The following NAPA variants were observed in gnomAD, a reference collection of about 807,000 sequenced individuals.
NAPA encodes alpha-soluble NSF attachment protein.
NAPA carries 18 observed loss-of-function variants against 48.0 expected under a neutral mutation model. The ratio of observed to expected loss-of-function variants is 0.38; its 90% CI spans 0.26 to 0.56. The LOEUF is 0.56. Ranked by LOEUF, NAPA falls within the 20% of genes least tolerant of loss-of-function variation. The probability of loss-of-function intolerance (pLI) is 0.77; values close to 1 mark genes in which losing one functional copy is unlikely to be tolerated. For synonymous variants in NAPA, 152 were observed against 149.9 expected (o/e 1.01, Z -0.10); for missense variants, 315 against 385.0 (o/e 0.82, Z 1.52).
At chr19:47,505,987 G>A (rs1259683122) in intron 1 of NAPA, among the ~76,000 whole-genome samples, 1 of 149,126 alleles carries the variant, frequency 6.7e-6, no homozygotes, top group Non-Finnish European at 1.5e-5. Context: ...CTTGTTTGGA[G>A]TGACTTCTTT....
intron 3 of NAPA, chr19:47,496,904 T>G (rs185313753): frequency 2.2e-6 from 1 of 453,894 alleles, no homozygotes; most frequent in Non-Finnish European, 4.4e-6. Flanking sequence ...CCTCTGGGGA[T>G]CTAAAAGGGA....
Position 47,488,027 on chromosome 19 carries a change from T to C in NAPA, c.*261A>G. ...GTCTGTATCAAAGATTCTGTACAGC[T>C]GGTTTTGGGGGTGAAGGGCACCTAT... On this transcript the variant is annotated 3_prime_UTR_variant, in exon 11 of 11. Coordinates refer to ENST00000263354, the MANE Select transcript of NAPA (RefSeq NM_003827.4). The C allele has an allele frequency of 2.6e-6, 1 of 382,120 alleles. No homozygotes were observed. 23.7% of individuals were successfully genotyped at this position (382,120 alleles called of 1,614,324 possible).
chr19:47,514,760 C>T (rs1003492355), intron 1 of NAPA, 83 bp downstream of exon 1: 14 of 1,346,274 alleles, frequency 1.0e-5, no homozygotes, highest in Admixed American at 7.8e-5. Context: ...CCGAGCTCTG[C>T]GTGCCCTAAC....
intron 1 of NAPA, 90 bp downstream of exon 1, chr19:47,514,753 A>G (rs1215652138): frequency 1.6e-6 from 2 of 1,268,460 alleles, no homozygotes; most frequent in Non-Finnish European, 2.2e-6. Context: ...CCTCGGCCCG[A>G]GCTCTGCGTG....
Position 47,488,129 on chromosome 19 carries a change from C to T in NAPA, c.*159G>A. 1.6e-6 allele frequency: 1 copy of T among 621,190 alleles called. No homozygotes were observed. The highest frequency in any genetic ancestry group is 2.8e-5 in the Admixed American group (1 of 35,906). The allele number at this position is 621,190 out of a possible 1,614,324, so 38.5% of individuals were successfully genotyped here. On this transcript the variant is annotated 3_prime_UTR_variant, in exon 11 of 11. Coordinates refer to ENST00000263354, the MANE Select transcript of NAPA (RefSeq NM_003827.4). ...TGACTGTCCGGCCAGCAGCCTGGGC[C>T]TCTGGCGCCCCTGCATGCTGACCCC... is the stretch of plus-strand genomic sequence containing the variant.
At chr19:47,503,330 G>T in intron 2 of NAPA, 93 bp downstream of exon 2, 2 of 1,126,768 alleles carry the variant, frequency 1.8e-6, no homozygotes, top group Non-Finnish European at 2.7e-6. Context: ...AAGAGAAAGG[G>T]CCCTCAAGGC....
At chr19:47,513,155 TCTC>T (rs1198334190) in intron 1 of NAPA, among the ~76,000 whole-genome samples, 2 of 151,974 alleles carry the variant, frequency 1.3e-5, no homozygotes, top group East Asian at 1.9e-4. Flanking sequence ...CAAACTCCCT[TCTC>T]CTTCCTCTGC....
chr19:47,498,723 G>A (rs1968496151), intron 3 of NAPA, among the ~76,000 whole-genome samples: 1 of 152,190 alleles, frequency 6.6e-6, no homozygotes, highest in Non-Finnish European at 1.5e-5. Flanking sequence ...CTGGCCTTGT[G>A]TGAGGCCTGA....
downstream of NAPA, among the ~76,000 whole-genome samples, chr19:47,485,538 G>A (rs1227995549): frequency 1.3e-5 from 2 of 152,212 alleles, no homozygotes; most frequent in Admixed American, 1.3e-4. Flanking sequence ...AGCACACACA[G>A]ACTGCAAGCT....
At position 47,495,875 on chromosome 19, in the gene NAPA, A is replaced by G. The variant is rs114663487; in HGVS notation, c.296-279T>C. 1,904 of 459,330 alleles carry G rather than the reference A, an allele frequency of 4.1e-3. 44 individuals are homozygous for G. The highest frequency in any genetic ancestry group is 0.034 in the African/African-American group (1,723 of 50,360). The allele number at this position is 459,330 out of a possible 1,614,324, so 28.5% of individuals were successfully genotyped here. ...TCTCTCCTCGGGCTGCCAGGATGCTACCAGCTTCCCACAACCCCAGGGACA... is the reference window on the plus strand; with the variant it reads ...TCTCTCCTCGGGCTGCCAGGATGCTGCCAGCTTCCCACAACCCCAGGGACA... On this transcript the variant is annotated intron_variant, in intron 3 of 10. Coordinates refer to ENST00000263354, the MANE Select transcript of NAPA (RefSeq NM_003827.4).
chr19:47,495,838 T>G (rs748612703), intron 3 of NAPA: 1 of 539,450 alleles, frequency 1.9e-6, no homozygotes, highest in Non-Finnish European at 3.3e-6. Flanking sequence ...CACATGCTTC[T>G]GGGGGAGCCC....
intron 3 of NAPA, among the ~76,000 whole-genome samples, chr19:47,499,985 T>C (rs941397255): frequency 2.0e-5 from 3 of 152,230 alleles, no homozygotes; most frequent in African/African-American, 7.2e-5. Flanking sequence ...AAAAAATAAA[T>C]TAAAATTCCC....
At chr19:47,508,129 C>T (rs1288586146) in intron 1 of NAPA, among the ~76,000 whole-genome samples, 5 of 152,172 alleles carry the variant, frequency 3.3e-5, no homozygotes, top group African/African-American at 1.2e-4. Context: ...ATCCTCTAGG[C>T]AAAGGAGTAT....
At chr19:47,500,484 C>G (rs770829273) in intron 3 of NAPA, 149 bp downstream of exon 3, 1 of 568,732 alleles carries the variant, frequency 1.8e-6, no homozygotes, top group South Asian at 2.6e-5. Flanking sequence ...CTAAAGTCAA[C>G]GCTCACTCTG....
intron 3 of NAPA, among the ~76,000 whole-genome samples, chr19:47,498,237 G>A (rs543751566): frequency 4.6e-5 from 7 of 152,248 alleles, no homozygotes; most frequent in Admixed American, 6.5e-5. Flanking sequence ...TGATGAGGAC[G>A]GCCCCAGGGT....
At chr19:47,504,687 G>T (rs1968658587) in intron 1 of NAPA, among the ~76,000 whole-genome samples, 1 of 151,642 alleles carries the variant, frequency 6.6e-6, no homozygotes, top group South Asian at 2.1e-4. Flanking sequence ...GTGTATATAT[G>T]TGTATGTGTA....
At position 47,493,422 on chromosome 19, in the gene NAPA, G is replaced by A. The variant is rs1301363815; in HGVS notation, c.414C>T (p.Ile138=). The change falls in exon 5 of 11, where the codon ATC becomes ATT. Residue 138 remains isoleucine, a synonymous_variant. Coordinates refer to ENST00000263354, the MANE Select transcript of NAPA (RefSeq NM_003827.4). This position sits in a 1 kb window ranked among gnomAD's most constrained non-coding sequence, Gnocchi z 6.4. ...GGGCCCTGCTGCCACTCACCTTCTCGATGTCCACCAACTCTGTCTCATAGA... is the reference window on the plus strand; with the variant it reads ...GGGCCCTGCTGCCACTCACCTTCTCAATGTCCACCAACTCTGTCTCATAGA... ...AEIYETELVD[I]EKAIAHYEQS... is the part of the protein sequence containing the mutation. 11 of 1,613,844 alleles carry A rather than the reference G, an allele frequency of 6.8e-6. No individual in the cohort carries two copies. The highest frequency in any genetic ancestry group is 6.7e-5 in the African/African-American group (5 of 74,910).
At chr19:47,498,426 G>A (rs1968487528) in intron 3 of NAPA, among the ~76,000 whole-genome samples, 1 of 152,194 alleles carries the variant, frequency 6.6e-6, no homozygotes, top group Non-Finnish European at 1.5e-5. Flanking sequence ...GTGCCGCGCT[G>A]GGCATGACTG....
At chr19:47,514,419 TC>T (rs1968865408) in intron 1 of NAPA, among the ~76,000 whole-genome samples, 1 of 151,460 alleles carries the variant, frequency 6.6e-6, no homozygotes, top group East Asian at 1.9e-4. Context: ...TCAAACAGAC[TC>T]CCCTAGAGCT....
Sources: allele counts gnomAD v4.1 joint callset (sites outside exome capture counted in the v4.1 genomes callset), GRCh38; gene constraint gnomAD v4.1.1; non-coding constraint Gnocchi (gnomAD v3.1); transcripts MANE v1.5; gene names NCBI Gene and HGNC (gene_info 2026-07-23, HGNC 2026-07-21).